DESI2: variants seen among roughly 807,000 people sequenced by gnomAD.
DESI2 encodes desumoylating isopeptidase 2.
A neutral mutation model predicts 24.1 loss-of-function variants in DESI2; 10 were observed. The ratio of observed to expected loss-of-function variants is 0.41; its 90% CI spans 0.26 to 0.70. DESI2 has a LOEUF of 0.70. Ranked by LOEUF, DESI2 falls within the 30% of genes least tolerant of loss-of-function variation. The pLI, the probability that DESI2 is intolerant of heterozygous loss-of-function variation, is 0.29. For synonymous variants in DESI2, 71 were observed against 87.7 expected (o/e 0.81, Z 1.06); for missense variants, 122 against 234.9 (o/e 0.52, Z 3.14).
At position 244,689,008 on chromosome 1, in the gene DESI2, A is replaced by G. The variant is rs1292647726; in HGVS notation, c.116-241A>G. Reference sequence around the variant, plus strand: ...TGTTGATCACTCTCTTCCTGCCATGATAAGAAAGGGAAATATGGCAGGCAA... The same window carrying G: ...TGTTGATCACTCTCTTCCTGCCATGGTAAGAAAGGGAAATATGGCAGGCAA... On this transcript the variant is annotated intron_variant, in intron 2 of 4. Coordinates refer to ENST00000302550, the MANE Select transcript of DESI2 (RefSeq NM_016076.5). The surrounding 1 kb of genome is among the most constrained non-coding windows in gnomAD (Gnocchi z 4.0). Among the ~76,000 whole-genome samples, 1 of 152,216 alleles carries G rather than the reference A, an allele frequency of 6.6e-6. No homozygotes were observed. Among genetic ancestry groups the G allele is most frequent in the Non-Finnish European group, 1.5e-5 (1 of 68,036 alleles).
In DESI2 at chr1:244,689,169, C is replaced by G; in HGVS notation, c.116-80C>G. 4 of 749,130 alleles carry G rather than the reference C, an allele frequency of 5.3e-6. No homozygotes were observed. The South Asian group carries it at 6.5e-5, about 12-fold the overall frequency. The allele number at this position is 749,130 out of a possible 1,614,324, so 46.4% of individuals were successfully genotyped here. ...ATATTTAGATGGTGTCACTGTTATC[C>G]TCAATTATTAAAGCTAATTCAGCAT... On this transcript the variant is annotated intron_variant, in intron 2 of 4. Coordinates refer to ENST00000302550, the MANE Select transcript of DESI2 (RefSeq NM_016076.5). The surrounding 1 kb of genome is among the most constrained non-coding windows in gnomAD (Gnocchi z 4.0).
At chr1:244,698,314 T>C (rs1677301083) in intron 4 of DESI2, among the ~76,000 whole-genome samples, 1 of 152,232 alleles carries the variant, frequency 6.6e-6, no homozygotes, top group South Asian at 2.1e-4. Context: ...CTATGATTTT[T>C]GCCCATTGGA....
At chr1:244,665,216 T>G (rs1457482908) in intron 1 of DESI2, among the ~76,000 whole-genome samples, 1 of 152,144 alleles carries the variant, frequency 6.6e-6, no homozygotes, top group Non-Finnish European at 1.5e-5. Context: ...GCCATTTCCT[T>G]ATATTATTAT....
chr1:244,695,047 T>C (rs1677163904), intron 4 of DESI2, among the ~76,000 whole-genome samples: 2 of 152,206 alleles, frequency 1.3e-5, no homozygotes, highest in South Asian at 4.1e-4. Flanking sequence ...GTGAGTGTCA[T>C]AGGGATGTAA....
intron 1 of DESI2, 112 bp downstream of exon 1, chr1:244,653,467 C>A: frequency 8.5e-7 from 1 of 1,172,718 alleles, no homozygotes; most frequent in Non-Finnish European, 1.2e-6. Context: ...CGCCTCCAGC[C>A]TAGTTCTCGG....
chr1:244,700,223 G>C (rs975159674), intron 4 of DESI2, among the ~76,000 whole-genome samples: 1 of 152,066 alleles, frequency 6.6e-6, no homozygotes, highest in Non-Finnish European at 1.5e-5. Context: ...ATCAAACCTC[G>C]AGGTGGAAAA....
chr1:244,680,287 A>C (rs1347823402), intron 1 of DESI2, among the ~76,000 whole-genome samples: 1 of 152,162 alleles, frequency 6.6e-6, no homozygotes, highest in Non-Finnish European at 1.5e-5. Flanking sequence ...GTCTGTATAA[A>C]AAATAGCTGG....
intron 1 of DESI2, among the ~76,000 whole-genome samples, chr1:244,667,126 A>G (rs1427763507): frequency 6.6e-6 from 1 of 152,100 alleles, no homozygotes; most frequent in Non-Finnish European, 1.5e-5. Context: ...ATGTCCTCAC[A>G]TTTCAAAACC....
intron 4 of DESI2, among the ~76,000 whole-genome samples, chr1:244,695,682 G>T (rs1258306570): frequency 6.6e-6 from 1 of 152,158 alleles, no homozygotes; most frequent in African/African-American, 2.4e-5. Context: ...ACTATTTTCA[G>T]TAGAAAATTC....
At chr1:244,672,674 C>T (rs1055911342) in intron 1 of DESI2, among the ~76,000 whole-genome samples, 43 of 152,056 alleles carry the variant, frequency 2.8e-4, no homozygotes, top group East Asian at 1.5e-3. Context: ...GTCAGGAGTC[C>T]GAGACCAGCC....
At chr1:244,687,236 T>G (rs917317069) in intron 2 of DESI2, among the ~76,000 whole-genome samples, 1 of 152,176 alleles carries the variant, frequency 6.6e-6, no homozygotes, top group Non-Finnish European at 1.5e-5. Flanking sequence ...AACTCAGCCC[T>G]TTTCATTCTC....
At chr1:244,704,665 TTGTG>T (rs10686967) in intron 4 of DESI2, among the ~76,000 whole-genome samples, 6 of 151,496 alleles carry the variant, frequency 4.0e-5, no homozygotes, top group South Asian at 2.1e-4. Context: ...GGAAAACACT[TTGTG>T]TGTGTGTGAG....
intron 1 of DESI2, among the ~76,000 whole-genome samples, chr1:244,655,654 C>G (rs915167897): frequency 6.6e-6 from 1 of 152,132 alleles, no homozygotes; most frequent in East Asian, 1.9e-4. Flanking sequence ...AAGGAGGAGA[C>G]TATGTAGTTG....
At chr1:244,668,091 T>C (rs1676110757) in intron 1 of DESI2, among the ~76,000 whole-genome samples, 2 of 152,242 alleles carry the variant, frequency 1.3e-5, no homozygotes, top group African/African-American at 4.8e-5. Context: ...ATTTACATAC[T>C]TAAGAGTTCC....
At chr1:244,654,667 G>A (rs1048170467) in intron 1 of DESI2, among the ~76,000 whole-genome samples, 6 of 152,146 alleles carry the variant, frequency 3.9e-5, no homozygotes, top group Middle Eastern at 3.2e-3. Flanking sequence ...GAAAACCATG[G>A]CACTTTGTAA....
At chr1:244,684,597 T>TA (rs888951263) in intron 1 of DESI2, among the ~76,000 whole-genome samples, 60 of 151,200 alleles carry the variant, frequency 4.0e-4, no homozygotes, top group Middle Eastern at 6.8e-3. Flanking sequence ...TTTTCTTTTT[T>TA]AAAAAAAAAA....
chr1:244,659,730 A>G (rs1438390945), intron 1 of DESI2, among the ~76,000 whole-genome samples: 4 of 152,316 alleles, frequency 2.6e-5, no homozygotes. Context: ...CATAATTTCA[A>G]TGACATCTGC....
At chr1:244,688,026 AAAC>A (rs1676883221) in intron 2 of DESI2, among the ~76,000 whole-genome samples, 2 of 152,196 alleles carry the variant, frequency 1.3e-5, no homozygotes, top group East Asian at 1.9e-4. Flanking sequence ...TAATTAACTC[AAAC>A]TTGAACCCAA....
At chr1:244,695,389 C>G (rs1267139872) in intron 4 of DESI2, among the ~76,000 whole-genome samples, 1 of 152,236 alleles carries the variant, frequency 6.6e-6, no homozygotes, top group African/African-American at 2.4e-5. Flanking sequence ...CATGGTGGCT[C>G]ACACCTGTAA....
Sources: allele counts gnomAD v4.1 joint callset (sites outside exome capture counted in the v4.1 genomes callset), GRCh38; gene constraint gnomAD v4.1.1; non-coding constraint Gnocchi (gnomAD v3.1); transcripts MANE v1.5; gene names NCBI Gene and HGNC (gene_info 2026-07-23, HGNC 2026-07-21).